CNIH3: variants seen among roughly 807,000 people sequenced by gnomAD.
The protein encoded by CNIH3 is cornichon family AMPA receptor auxiliary protein 3.
In CNIH3, 14 loss-of-function variants were observed where a neutral mutation model predicts 24.1. The observed-to-expected ratio is 0.58, with a 90% confidence interval of 0.38 to 0.91. CNIH3 has a LOEUF of 0.91. Ranked by LOEUF, CNIH3 falls within the 40% of genes least tolerant of loss-of-function variation. The probability of loss-of-function intolerance (pLI) is 0.00; values close to 1 mark genes in which losing one functional copy is unlikely to be tolerated. For missense variants in CNIH3, 178 were observed against 196.8 expected (o/e 0.90, Z 0.57); for synonymous variants, 68 against 73.8 (o/e 0.92, Z 0.40).
intron 3 of CNIH3, among the ~76,000 whole-genome samples, chr1:224,558,220 AC>A: frequency 6.6e-6 from 1 of 151,844 alleles, no homozygotes; most frequent in South Asian, 2.1e-4. Context: ...TATCAGCTGG[AC>A]CTCTCTTTTC....
At chr1:224,561,009 T>A (rs1234830134) in intron 3 of CNIH3, among the ~76,000 whole-genome samples, 1 of 152,262 alleles carries the variant, frequency 6.6e-6, no homozygotes, top group South Asian at 2.1e-4. Context: ...ATATGTTTAC[T>A]GGCCATTTGC....
chr1:224,606,143 C>A (rs554918878), intron 3 of CNIH3, among the ~76,000 whole-genome samples: 4 of 151,188 alleles, frequency 2.6e-5, no homozygotes, highest in South Asian at 2.1e-4. Flanking sequence ...GTACTTGCGA[C>A]CCCCCCAGAT....
intron 1 of CNIH3, among the ~76,000 whole-genome samples, chr1:224,631,740 G>A (rs554430267): frequency 2.0e-5 from 3 of 152,210 alleles, no homozygotes; most frequent in Admixed American, 6.5e-5. Context: ...TTTTGTGTTC[G>A]CATGGTCCAT....
At chr1:224,481,812 A>C (rs1175855890) in intron 1 of CNIH3, among the ~76,000 whole-genome samples, 1 of 152,228 alleles carries the variant, frequency 6.6e-6, no homozygotes, top group Non-Finnish European at 1.5e-5. Context: ...TGGTGAAGCC[A>C]GTCAAACTTG....
chr1:224,530,896 T>A (rs1398020778), intron 2 of CNIH3, among the ~76,000 whole-genome samples: 1 of 152,194 alleles, frequency 6.6e-6, no homozygotes, highest in East Asian at 1.9e-4. Flanking sequence ...CTGTGTGGCC[T>A]AAACCCTACA....
downstream of CNIH3, among the ~76,000 whole-genome samples, chr1:224,541,311 A>G (rs1265578473): frequency 6.6e-6 from 1 of 152,174 alleles, no homozygotes; most frequent in East Asian, 1.9e-4. Flanking sequence ...ATTAAGTGTC[A>G]CTTCCAAATT....
intron 1 of CNIH3, among the ~76,000 whole-genome samples, chr1:224,670,948 G>T (rs2125130007): frequency 6.6e-6 from 1 of 152,322 alleles, no homozygotes; most frequent in Non-Finnish European, 1.5e-5. Flanking sequence ...TGGTAAAGCA[G>T]ATTGCCCTCC....
chr1:224,638,542 G>A lies in CNIH3; in HGVS notation c.81+21287G>A, dbSNP rs141107960. 4.4e-3 allele frequency among the ~76,000 whole-genome samples: 677 copies of A among 152,286 alleles called. 6 individuals are homozygous for A. Among genetic ancestry groups the A allele is most frequent in the African/African-American group, 0.016 (649 of 41,552 alleles). On this transcript the variant is annotated intron_variant, in intron 1 of 5. Coordinates refer to ENST00000272133, the MANE Select transcript of CNIH3 (RefSeq NM_152495.2). ...CTTTCCTGACTTTACCAGCGGTGCC[G>A]TAACATTCTGGGCCCCAGTTTCCTG...
chr1:224,650,601 G>C (rs532356693), intron 1 of CNIH3, among the ~76,000 whole-genome samples: 3 of 152,140 alleles, frequency 2.0e-5, no homozygotes, highest in Non-Finnish European at 4.4e-5. Flanking sequence ...ACTTGGTGGG[G>C]GTGGAGGGGT....
At chr1:224,666,834 A>G (rs534757639) in intron 1 of CNIH3, among the ~76,000 whole-genome samples, 71 of 152,342 alleles carry the variant, frequency 4.7e-4, no homozygotes, top group African/African-American at 1.7e-3. Flanking sequence ...CCCCAACGGT[A>G]GTCTTCTCCA....
chr1:224,539,511 A>C (rs1292181057), downstream of CNIH3, among the ~76,000 whole-genome samples: 1 of 151,984 alleles, frequency 6.6e-6, no homozygotes, highest in African/African-American at 2.4e-5. Flanking sequence ...AGATAGTTTT[A>C]CCTCCTCAGA....
chr1:224,571,124 T>C (rs1680800202), intron 4 of CNIH3, among the ~76,000 whole-genome samples: 1 of 152,242 alleles, frequency 6.6e-6, no homozygotes, highest in South Asian at 2.1e-4. Flanking sequence ...AGGCCTCTTG[T>C]CTTATTCTCC....
intron 3 of CNIH3, among the ~76,000 whole-genome samples, chr1:224,601,804 G>A (rs544597960): frequency 7.2e-5 from 11 of 152,322 alleles, no homozygotes; most frequent in Admixed American, 6.5e-4. Flanking sequence ...GAATGCTTAT[G>A]AAGAAAAAAT....
intron 4 of CNIH3, among the ~76,000 whole-genome samples, chr1:224,571,706 CAG>C (rs916040603): frequency 6.6e-6 from 1 of 152,124 alleles, no homozygotes; most frequent in African/African-American, 2.4e-5. Flanking sequence ...GCCTTGGCGA[CAG>C]AGTGAGACTC....
chr1:224,561,787 G>A (rs770773564), intron 3 of CNIH3, among the ~76,000 whole-genome samples: 22 of 152,128 alleles, frequency 1.4e-4, no homozygotes, highest in Non-Finnish European at 3.1e-4. Flanking sequence ...TGCATGTCTG[G>A]TTCATGTTAA....
At chr1:224,522,979 A>T (rs1027428821) in intron 2 of CNIH3, among the ~76,000 whole-genome samples, 3 of 152,216 alleles carry the variant, frequency 2.0e-5, no homozygotes, top group Admixed American at 2.0e-4. Flanking sequence ...CAAGCCCTTA[A>T]GCCCAGTGTT....
At chr1:224,471,593 C>CTT (rs771939815) in intron 1 of CNIH3, among the ~76,000 whole-genome samples, 16 of 142,294 alleles carry the variant, frequency 1.1e-4, no homozygotes, top group South Asian at 4.5e-4. Context: ...CTCATTCTCT[C>CTT]TTTTTTTTTT....
intron 1 of CNIH3, among the ~76,000 whole-genome samples, chr1:224,436,490 T>C (rs1241710831): frequency 6.6e-6 from 1 of 152,208 alleles, no homozygotes; most frequent in African/African-American, 2.4e-5. Flanking sequence ...CAGACAAAGC[T>C]CACACTTCAT....
chr1:224,434,700 G>A, exon 1 of CNIH3: 4 of 948,008 alleles, frequency 4.2e-6, no homozygotes, highest in Non-Finnish European at 5.0e-6. Flanking sequence ...CGGCGGCGGC[G>A]GCGGCGGGCG....
Sources: gnomAD v4.1 joint callset for allele counts (sites outside exome capture counted in the v4.1 genomes callset) on GRCh38, gnomAD v4.1.1 for gene constraint, MANE v1.5 for transcripts, NCBI Gene and HGNC (gene_info 2026-07-23, HGNC 2026-07-21) for gene names.